The following ARMC8 variants were observed in gnomAD, a reference collection of about 807,000 sequenced individuals.
The protein encoded by ARMC8 is armadillo repeat-containing protein 8.
In ARMC8, 20 loss-of-function variants were observed where a neutral mutation model predicts 99.3. That is an observed-to-expected ratio of 0.20 (90% CI 0.14 to 0.29). ARMC8 has a LOEUF of 0.29. Among genes scored for constraint, ARMC8 ranks in the 10% least tolerant of loss-of-function variants. ARMC8 has a pLI of 1.00. For missense variants in ARMC8, 569 were observed against 809.5 expected (o/e 0.70, Z 3.60); for synonymous variants, 263 against 278.3 (o/e 0.95, Z 0.55).
In ARMC8 at chr3:138,209,839, A is replaced by G; in HGVS notation, c.68A>G (p.His23Arg). 6.2e-7 allele frequency: 1 copy of G among 1,613,944 alleles called. No individual in the cohort carries two copies. Among genetic ancestry groups the G allele is most frequent in the South Asian group, 1.1e-5 (1 of 91,074 alleles). ...TAGGAAGTAACAGCTAGCAGTCGCCACTATGTTGACAGGCTATTTGACCCT... is the reference window on the plus strand; with the variant it reads ...TAGGAAGTAACAGCTAGCAGTCGCCGCTATGTTGACAGGCTATTTGACCCT... ...VLSEVTASSR[H>R]YVDRLFDPDP... is the part of the protein sequence containing the mutation. Residue 23 changes from histidine to arginine, a missense_variant, in exon 2 of 22, where the codon CAC becomes CGC. His to Arg is a conservative substitution (Grantham distance 29). Transcript: ENST00000469044.
chr3:138,227,087 G>T (rs1251015167), intron 5 of ARMC8, among the ~76,000 whole-genome samples: 2 of 152,160 alleles, frequency 1.3e-5, no homozygotes, highest in African/African-American at 4.8e-5. Context: ...AATAGAGATG[G>T]GGTAGGTAGT....
At chr3:138,221,835 A>G (rs2045415050) in intron 2 of ARMC8, 91 bp from the exon 3 acceptor site, 1 of 1,016,310 alleles carries the variant, frequency 9.8e-7, no homozygotes, top group Non-Finnish European at 1.5e-6. Flanking sequence ...ACTTTGTCAA[A>G]TCTAAGATAT....
intron 2 of ARMC8, among the ~76,000 whole-genome samples, chr3:138,212,153 TGTA>T: frequency 1.3e-5 from 2 of 152,182 alleles, no homozygotes; most frequent in South Asian, 4.1e-4. Flanking sequence ...ATGGAGATAG[TGTA>T]GTGTGATTTG....
intron 19 of ARMC8, among the ~76,000 whole-genome samples, 191 bp from the exon 20 acceptor site, chr3:138,288,857 C>T (rs1042948280): frequency 1.8e-4 from 27 of 151,918 alleles, no homozygotes; most frequent in African/African-American, 6.5e-4. Context: ...ATCCTAGTCT[C>T]GAACACCTGA....
intron 7 of ARMC8, 28 bp from the exon 8 acceptor site, chr3:138,237,280 AT>A: frequency 6.2e-7 from 1 of 1,601,598 alleles, no homozygotes; most frequent in South Asian, 1.1e-5. Context: ...AATTAAACAC[AT>A]TTTTTGTTTG....
intron 12 of ARMC8, among the ~76,000 whole-genome samples, chr3:138,258,824 G>C (rs1246067900): frequency 6.6e-6 from 1 of 152,180 alleles, no homozygotes; most frequent in Admixed American, 6.5e-5. Context: ...TTACAGCCCA[G>C]GCCCCTAGAA....
chr3:138,279,421 T>A (rs2108335181), intron 18 of ARMC8, among the ~76,000 whole-genome samples: 1 of 152,326 alleles, frequency 6.6e-6, no homozygotes, highest in East Asian at 1.9e-4. Context: ...GTATTATCCT[T>A]TAGATATATT....
intron 21 of ARMC8, among the ~76,000 whole-genome samples, chr3:138,291,144 C>G (rs990493316): frequency 2.0e-5 from 3 of 152,204 alleles, no homozygotes; most frequent in Admixed American, 2.0e-4. Context: ...GCCATAAATG[C>G]TCTTCCTAGC....
intron 5 of ARMC8, chr3:138,228,583 C>G (rs901121344): frequency 9.6e-6 from 4 of 417,532 alleles, no homozygotes; most frequent in Non-Finnish European, 1.9e-5. Flanking sequence ...GCATAACGTA[C>G]TAGTTACCTC....
intron 12 of ARMC8, among the ~76,000 whole-genome samples, chr3:138,257,753 A>G (rs954114926): frequency 1.3e-5 from 2 of 152,146 alleles, no homozygotes; most frequent in Non-Finnish European, 2.9e-5. Context: ...GTGTCCTGGG[A>G]CTTGTGTTTC....
In ARMC8 at chr3:138,241,914, C is replaced by A. The variant is rs751236513; in HGVS notation, c.969C>A (p.His323Gln). Residue 323 changes from histidine to glutamine, a missense_variant, in exon 11 of 22, where the codon CAC becomes CAA. Physicochemically the swap from His to Gln is conservative, Grantham distance 24. Coordinates refer to ENST00000469044, the MANE Select transcript of ARMC8 (RefSeq NM_001363941.2). ...ELQRIASITDHLIAMLADYFK... is the reference protein window; with the variant it reads ...ELQRIASITDQLIAMLADYFK... ...AGAGAATCGCTAGCATAACTGATCA[C>A]CTCATTGCCATGCTTGCTGATTATT... is the stretch of plus-strand genomic sequence containing the variant. 2 of 1,614,046 alleles carry A rather than the reference C, an allele frequency of 1.2e-6. No individual in the cohort carries two copies. The highest frequency in any genetic ancestry group is 1.1e-5 in the South Asian group (1 of 91,078).
At chr3:138,234,815 G>A (rs2046246756) in intron 6 of ARMC8, among the ~76,000 whole-genome samples, 1 of 152,162 alleles carries the variant, frequency 6.6e-6, no homozygotes, top group African/African-American at 2.4e-5. Flanking sequence ...GAGGTAAAGA[G>A]GCAGCATTTC....
At chr3:138,201,134 ACTC>A (rs2044040328) in intron 1 of ARMC8, among the ~76,000 whole-genome samples, 1 of 147,474 alleles carries the variant, frequency 6.8e-6, no homozygotes, top group African/African-American at 2.5e-5. Flanking sequence ...CTGGTCTTGA[ACTC>A]CTGACCTCAG....
intron 21 of ARMC8, among the ~76,000 whole-genome samples, chr3:138,295,022 C>T (rs568313552): frequency 6.6e-6 from 1 of 151,994 alleles, no homozygotes. Flanking sequence ...GCTCAGCCTC[C>T]GAAGTGGTTG....
chr3:138,273,022 G>A lies in ARMC8; in HGVS notation c.1535G>A (p.Ser512Asn), dbSNP rs2108306295. 6.2e-7 allele frequency: 1 copy of A among 1,612,474 alleles called. No individual in the cohort carries two copies. Among genetic ancestry groups the A allele is most frequent in the Non-Finnish European group, 8.5e-7 (1 of 1,179,108 alleles). Residue 512 changes from serine to asparagine, a missense_variant, in exon 17 of 22, where the codon AGT becomes AAT. By Grantham distance (46) the Ser-to-Asn change is conservative (BLOSUM62 1). This residue lies in a region of ARMC8 where 227 missense variants were observed against 417.9 expected (regional missense o/e 0.54). Coordinates refer to ENST00000469044, the MANE Select transcript of ARMC8 (RefSeq NM_001363941.2). Reference protein sequence around the residue: ...KIKADILRSLSTEQLFRLLSD... With the variant: ...KIKADILRSLNTEQLFRLLSD... ...AAAGCAGATATTTTACGAAGCTTGA[G>A]TACTGAACAGCTATTCCGGTTATTA...
chr3:138,264,282 T>C, intron 14 of ARMC8, 70 bp downstream of exon 14: 3 of 1,198,542 alleles, frequency 2.5e-6, no homozygotes, highest in Non-Finnish European at 2.5e-6. Context: ...TAGCTAACAC[T>C]ACTCCCTGGT....
chr3:138,267,034 C>T, intron 14 of ARMC8, 121 bp from the exon 15 acceptor site: 1 of 599,454 alleles, frequency 1.7e-6, no homozygotes, highest in Non-Finnish European at 2.8e-6. Context: ...TCCTATCTCT[C>T]CAATACGAAG....
intron 1 of ARMC8, among the ~76,000 whole-genome samples, chr3:138,204,600 G>A (rs1376178436): frequency 3.9e-5 from 6 of 152,126 alleles, no homozygotes; most frequent in Non-Finnish European, 8.8e-5. Context: ...CTGTACTGCT[G>A]TTGTCAAGAT....
chr3:138,227,768 G>A (rs1576678891), intron 5 of ARMC8, among the ~76,000 whole-genome samples: 2 of 152,172 alleles, frequency 1.3e-5, no homozygotes, highest in Non-Finnish European at 2.9e-5. Context: ...GCCTCATTTG[G>A]AAGCTGACTC....
Sources: allele counts gnomAD v4.1 joint callset (sites outside exome capture counted in the v4.1 genomes callset), GRCh38; gene constraint gnomAD v4.1.1; regional missense constraint gnomAD v4.1.1; transcripts MANE v1.5; gene names NCBI Gene and HGNC (gene_info 2026-07-23, HGNC 2026-07-21).